Variants in GABRA1 observed in about 807,000 individuals in gnomAD.
The protein encoded by GABRA1 is gamma-aminobutyric acid type A receptor subunit alpha1.
In GABRA1, 9 loss-of-function variants were observed where a neutral mutation model predicts 48.9. That is an observed-to-expected ratio of 0.18 (90% confidence interval 0.11 to 0.32). GABRA1 has a LOEUF of 0.32. GABRA1 is among the 10% of genes least tolerant of loss of function. The pLI, the probability that GABRA1 is intolerant of heterozygous loss-of-function variation, is 1.00. For synonymous variants in GABRA1, 210 were observed against 198.7 expected (o/e 1.06, Z -0.48); for missense variants, 285 against 553.8 (o/e 0.51, Z 4.87).
rs1228539652 is a variant in GABRA1, at chr5:161,898,075, T to C, written c.*653T>C. The stretch of plus-strand genomic sequence containing the variant: ...CTTTCATACGTAAAGGTGCAGTTGC[T>C]CATTGTAGAGCACATTTAGTCCAAT... On this transcript the variant is annotated 3_prime_UTR_variant, in exon 10 of 10. Transcript: ENST00000393943. 2 of 152,280 alleles carry C rather than the reference T, an allele frequency of 1.3e-5. No homozygotes were observed. Among genetic ancestry groups the C allele is most frequent in the Non-Finnish European group, 2.9e-5 (2 of 68,110 alleles). The allele number at this position is 152,280 out of a possible 1,614,324, so 9.4% of individuals were successfully genotyped here.
chr5:161,888,069 C>G (rs538431587), intron 7 of GABRA1, among the ~76,000 whole-genome samples: 2 of 152,034 alleles, frequency 1.3e-5, no homozygotes, highest in African/African-American at 2.4e-5. Context: ...TTTTGTTTTG[C>G]AATATATCAG....
At chr5:161,871,267 CTCGAT>C (rs1754110008) in intron 4 of GABRA1, among the ~76,000 whole-genome samples, 1 of 152,056 alleles carries the variant, frequency 6.6e-6, no homozygotes, top group Non-Finnish European at 1.5e-5. Flanking sequence ...GAACCAAAGG[CTCGAT>C]TCATGGGAAC....
intron 8 of GABRA1, among the ~76,000 whole-genome samples, chr5:161,893,104 C>G (rs1293439461): frequency 6.6e-6 from 1 of 150,946 alleles, no homozygotes; most frequent in Non-Finnish European, 1.5e-5. Flanking sequence ...ATGAGTACAA[C>G]ACTATATTGG....
chr5:161,895,736 T>C lies in GABRA1; in HGVS notation c.927T>C (p.Tyr309=), dbSNP rs997561187. The change falls in exon 9 of 10, where the codon TAT becomes TAC. Residue 309 remains tyrosine (Y), a synonymous_variant. Transcript: ENST00000393943. ...GAAACTCCCTCCCTAAGGTGGCTTATGCAACAGCTATGGATTGGTTTATTG... is the reference window on the plus strand; with the variant it reads ...GAAACTCCCTCCCTAAGGTGGCTTACGCAACAGCTATGGATTGGTTTATTG... The part of the protein sequence containing the change: ...SARNSLPKVA[Y]ATAMDWFIAV... The C allele has an allele frequency of 1.2e-5, 19 of 1,614,074 alleles. No homozygotes were observed. Among genetic ancestry groups the C allele is most frequent in the Non-Finnish European group, 1.6e-5 (19 of 1,179,986 alleles).
chr5:161,880,396 G>A (rs1458945328), intron 6 of GABRA1, among the ~76,000 whole-genome samples: 2 of 152,062 alleles, frequency 1.3e-5, no homozygotes, highest in African/African-American at 2.4e-5. Context: ...TCAAACTAGT[G>A]TGCTCTGCCT....
At chr5:161,890,187 G>C (rs1030773158) in intron 7 of GABRA1, among the ~76,000 whole-genome samples, 12 of 152,008 alleles carry the variant, frequency 7.9e-5, no homozygotes, top group Non-Finnish European at 4.4e-5. Context: ...CTAGACCACT[G>C]TTTCCCAGAT....
At chr5:161,869,738 A>G (rs975880838) in intron 4 of GABRA1, among the ~76,000 whole-genome samples, 2 of 152,184 alleles carry the variant, frequency 1.3e-5, no homozygotes, top group Non-Finnish European at 2.9e-5. Flanking sequence ...CCAGGGACCT[A>G]CACTATTGAA....
chr5:161,896,349 C>T (rs541195544), intron 9 of GABRA1, among the ~76,000 whole-genome samples: 12 of 152,282 alleles, frequency 7.9e-5, no homozygotes, highest in Middle Eastern at 6.8e-3. Context: ...TCTGCAAAGT[C>T]AAGGGCAGGC....
chr5:161,873,813 C>T (rs953764817), intron 5 of GABRA1, among the ~76,000 whole-genome samples: 7 of 152,064 alleles, frequency 4.6e-5, no homozygotes, highest in Admixed American at 1.3e-4. Flanking sequence ...GATAGCTAGA[C>T]GAGAATATAG....
chr5:161,855,218 T>C lies in GABRA1; in HGVS notation c.187+948T>C, dbSNP rs962501792. On this transcript the variant is annotated intron_variant, in intron 3 of 9. Transcript: ENST00000393943. Reference sequence around the variant, plus strand: ...TTCTTCTTCATTTAGACAGCACAGATAAGCAAAGAATAAAAAGCTTACAAA... The same window carrying C: ...TTCTTCTTCATTTAGACAGCACAGACAAGCAAAGAATAAAAAGCTTACAAA... 2.6e-5 allele frequency among the ~76,000 whole-genome samples: 4 copies of C among 151,612 alleles called. No homozygotes were observed. In the East Asian group the frequency reaches 7.7e-4, roughly 29 times the overall value.
intron 3 of GABRA1, among the ~76,000 whole-genome samples, chr5:161,858,349 T>G (rs1351688232): frequency 6.6e-6 from 1 of 151,726 alleles, no homozygotes; most frequent in Admixed American, 6.6e-5. Flanking sequence ...TGGCTTCCCC[T>G]GCACTTTGGG....
rs1315641802 is a variant in GABRA1 at position 161,848,163 on chromosome 5, T to C, written c.-275T>C. ...GCCCTGGGACGTATTACTACTGTCTTGGTAAAGAGAAATCTTTTGTTGTAT... is the reference window on the plus strand; with the variant it reads ...GCCCTGGGACGTATTACTACTGTCTCGGTAAAGAGAAATCTTTTGTTGTAT... On this transcript the variant is annotated 5_prime_UTR_variant, in exon 1 of 10. Transcript: ENST00000393943. The C allele has an allele frequency of 6.6e-6, 1 of 152,198 alleles. No individual in the cohort carries two copies. The highest frequency in any genetic ancestry group is 2.4e-5 in the African/African-American group (1 of 41,448). 9.4% of individuals were successfully genotyped at this position (152,198 alleles called of 1,614,324 possible). A position where few individuals can be genotyped will look rare whatever the true frequency, so the allele number is the denominator to read the frequency against.
chr5:161,856,742 A>G (rs544132178), intron 3 of GABRA1, among the ~76,000 whole-genome samples: 120 of 151,336 alleles, frequency 7.9e-4, no homozygotes, highest in African/African-American at 2.8e-3. Flanking sequence ...TTTATTACTT[A>G]TATCTACAGA....
intron 8 of GABRA1, among the ~76,000 whole-genome samples, chr5:161,894,938 C>T (rs1755291979): frequency 6.6e-6 from 1 of 152,006 alleles, no homozygotes; most frequent in South Asian, 2.1e-4. Flanking sequence ...ACATTCGAAT[C>T]AGAAAAACTG....
In GABRA1 at chr5:161,895,751, T is replaced by C. The variant is rs2113464646; in HGVS notation, c.942T>C (p.Asp314=). ...LPKVAYATAM[D]WFIAVCYAFV... is the part of the protein sequence containing the mutation. ...AGGTGGCTTATGCAACAGCTATGGA[T>C]TGGTTTATTGCCGTGTGCTATGCCT... Residue 314 remains aspartate, a synonymous_variant, in exon 9 of 10, where the codon GAT becomes GAC. Coordinates refer to ENST00000393943, the MANE Select transcript of GABRA1 (RefSeq NM_001127644.2). The C allele has an allele frequency of 6.2e-7, 1 of 1,614,004 alleles. No individual in the cohort carries two copies. The highest frequency in any genetic ancestry group is 2.2e-5 in the East Asian group (1 of 44,858).
chr5:161,884,685 T>A (rs543945587), intron 7 of GABRA1, among the ~76,000 whole-genome samples: 1 of 152,272 alleles, frequency 6.6e-6, no homozygotes, highest in Admixed American at 6.5e-5. Flanking sequence ...GAACTCTTCA[T>A]CTATTTTTGT....
chr5:161,850,980 T>C, intron 2 of GABRA1, 96 bp downstream of exon 2: 1 of 1,025,916 alleles, frequency 9.7e-7, no homozygotes, highest in East Asian at 2.4e-5. Flanking sequence ...AATTTATGAC[T>C]AAGGGAATTC....
At chr5:161,884,795 C>A (rs1754771549) in intron 7 of GABRA1, among the ~76,000 whole-genome samples, 1 of 152,122 alleles carries the variant, frequency 6.6e-6, no homozygotes, top group African/African-American at 2.4e-5. Context: ...AGGGAATATT[C>A]CTGCTCTAAT....
chr5:161,866,771 GT>G (rs896213193), intron 4 of GABRA1, among the ~76,000 whole-genome samples: 2 of 152,090 alleles, frequency 1.3e-5, no homozygotes, highest in African/African-American at 4.8e-5. Context: ...CTAATATTCT[GT>G]GAAGTGAACG....
Sources: allele counts gnomAD v4.1 joint callset (sites outside exome capture counted in the v4.1 genomes callset), GRCh38; gene constraint gnomAD v4.1.1; transcripts MANE v1.5; gene names NCBI Gene and HGNC (gene_info 2026-07-23, HGNC 2026-07-21).